CHST9: variants seen among roughly 807,000 people sequenced by gnomAD.
CHST9 encodes GalNAc-4-sulfotransferase 2.
Under a neutral mutation model 44.4 loss-of-function variants are expected in CHST9, and 41 were observed. That is an observed-to-expected ratio of 0.92 (90% CI 0.72 to 1.20). CHST9 has a LOEUF of 1.20. Among genes scored for constraint, CHST9 ranks in the 50% most tolerant of loss-of-function variants. The probability of loss-of-function intolerance (pLI) is 0.00; values close to 1 mark genes in which losing one functional copy is unlikely to be tolerated. For synonymous variants in CHST9, 171 were observed against 178.4 expected, an observed-to-expected ratio of 0.96 and a Z score of 0.33; for missense variants, 504 against 516.5, an observed-to-expected ratio of 0.98 and a Z score of 0.23.
At chr18:26,960,556 C>T (rs905055502) in intron 4 of CHST9, among the ~76,000 whole-genome samples, 4 of 152,204 alleles carry the variant, frequency 2.6e-5, no homozygotes, top group African/African-American at 7.2e-5. Flanking sequence ...TAGAATTTAT[C>T]GGAGAACAAC....
chr18:27,178,742 C>T (rs1251967386), intron 1 of CHST9, among the ~76,000 whole-genome samples: 1 of 151,982 alleles, frequency 6.6e-6, no homozygotes, highest in Non-Finnish European at 1.5e-5. Context: ...ACTGACCACA[C>T]CCCTTACCCT....
intron 4 of CHST9, among the ~76,000 whole-genome samples, chr18:26,956,712 T>C (rs2056331047): frequency 6.6e-6 from 1 of 152,098 alleles, no homozygotes; most frequent in Non-Finnish European, 1.5e-5. Flanking sequence ...GAATGAAATT[T>C]AGGGGGATAT....
chr18:27,156,464 G>A (rs967076118), intron 1 of CHST9, among the ~76,000 whole-genome samples: 4 of 152,070 alleles, frequency 2.6e-5, no homozygotes, highest in Non-Finnish European at 4.4e-5. Context: ...TTAAATAGAA[G>A]AAATTGCCTT....
intron 1 of CHST9, among the ~76,000 whole-genome samples, chr18:27,153,281 C>A (rs75037302): frequency 0.011 from 1,641 of 152,222 alleles, 11 homozygotes; most frequent in South Asian, 0.025. Flanking sequence ...TAAATTACCA[C>A]AAATATGGTG....
At chr18:27,045,852 A>G (rs1288332917) in intron 3 of CHST9, among the ~76,000 whole-genome samples, 2 of 152,076 alleles carry the variant, frequency 1.3e-5, no homozygotes, top group Admixed American at 1.3e-4. Flanking sequence ...AATAGAAGTC[A>G]CTAAATAGAC....
At chr18:27,022,759 A>C (rs1056171239) in intron 4 of CHST9, among the ~76,000 whole-genome samples, 1 of 151,930 alleles carries the variant, frequency 6.6e-6, no homozygotes, top group Non-Finnish European at 1.5e-5. Flanking sequence ...TATTCTCCCA[A>C]CTCTTCCTGT....
chr18:26,946,953 A>G (rs1038861356), intron 4 of CHST9, among the ~76,000 whole-genome samples: 1 of 152,158 alleles, frequency 6.6e-6, no homozygotes, highest in African/African-American at 2.4e-5. Flanking sequence ...GGGTGGTATG[A>G]TGCCTCCAGC....
intron 3 of CHST9, among the ~76,000 whole-genome samples, chr18:27,044,429 C>T (rs574496275): frequency 5.1e-4 from 77 of 152,072 alleles, no homozygotes; most frequent in African/African-American, 1.8e-3. Context: ...TTATAAGCTA[C>T]GAACAAGTTA....
At chr18:27,043,841 T>A (rs1295192185) in intron 3 of CHST9, among the ~76,000 whole-genome samples, 1 of 152,040 alleles carries the variant, frequency 6.6e-6, no homozygotes, top group Non-Finnish European at 1.5e-5. Context: ...ACGGCATAGA[T>A]GGTCCTTGTT....
At chr18:27,156,170 A>C (rs2058697300) in intron 1 of CHST9, among the ~76,000 whole-genome samples, 1 of 151,790 alleles carries the variant, frequency 6.6e-6, no homozygotes, top group African/African-American at 2.4e-5. Flanking sequence ...CAAAAAAAAA[A>C]ACAGTGAAAA....
At chr18:26,956,014 G>A (rs1360772991) in intron 4 of CHST9, among the ~76,000 whole-genome samples, 1 of 151,876 alleles carries the variant, frequency 6.6e-6, no homozygotes, top group Non-Finnish European at 1.5e-5. Flanking sequence ...TATAATTATA[G>A]CGCCAGGTGC....
At chr18:27,101,865 GTA>G (rs1330993477) in intron 2 of CHST9, among the ~76,000 whole-genome samples, 1 of 152,180 alleles carries the variant, frequency 6.6e-6, no homozygotes, top group East Asian at 1.9e-4. Flanking sequence ...CCAAATTTCT[GTA>G]TGTTAAGTGA....
chr18:26,985,052 T>C (rs1249929426), intron 4 of CHST9, among the ~76,000 whole-genome samples: 1 of 152,308 alleles, frequency 6.6e-6, no homozygotes, highest in South Asian at 2.1e-4. Flanking sequence ...AAGATATTTA[T>C]TGTAATACTG....
chr18:26,937,465 G>A (rs1008196277), intron 5 of CHST9, among the ~76,000 whole-genome samples: 6 of 152,148 alleles, frequency 3.9e-5, no homozygotes, highest in Admixed American at 1.3e-4. Context: ...TCCAGAAGAG[G>A]TGGGAGTGTA....
At chr18:27,083,156 C>T (rs983019341) in intron 2 of CHST9, among the ~76,000 whole-genome samples, 2 of 152,078 alleles carry the variant, frequency 1.3e-5, no homozygotes, top group Non-Finnish European at 2.9e-5. Flanking sequence ...CAGGTAAATA[C>T]GCACACTCAT....
chr18:27,156,642 G>C (rs1167105032), intron 1 of CHST9, among the ~76,000 whole-genome samples: 2 of 152,042 alleles, frequency 1.3e-5, no homozygotes, highest in Non-Finnish European at 2.9e-5. Flanking sequence ...AAACAAAAAC[G>C]AGCAGCATTT....
intron 3 of CHST9, among the ~76,000 whole-genome samples, chr18:27,024,694 G>A (rs2057264637): frequency 6.6e-6 from 1 of 152,212 alleles, no homozygotes; most frequent in Non-Finnish European, 1.5e-5. Flanking sequence ...GCTTGGAAGA[G>A]TAAATGAACA....
intron 2 of CHST9, among the ~76,000 whole-genome samples, chr18:27,105,842 G>A (rs187895545): frequency 7.2e-5 from 11 of 152,204 alleles, no homozygotes; most frequent in African/African-American, 2.4e-4. Flanking sequence ...TAAGGTGATA[G>A]TCTAAATGGA....
At chr18:27,171,587 C>A (rs1417589685) in intron 1 of CHST9, among the ~76,000 whole-genome samples, 1 of 152,028 alleles carries the variant, frequency 6.6e-6, no homozygotes, top group Admixed American at 6.6e-5. Flanking sequence ...AGCATACAGT[C>A]CTATGAAGTA....
Sources: gnomAD v4.1 joint callset for allele counts (sites outside exome capture counted in the v4.1 genomes callset) on GRCh38, gnomAD v4.1.1 for gene constraint, MANE v1.5 for transcripts, NCBI Gene and HGNC (gene_info 2026-07-23, HGNC 2026-07-21) for gene names.